Variants in SLC12A8 observed in about 807,000 individuals in gnomAD.
The protein encoded by SLC12A8 is cation-chloride cotransporter 9.
In SLC12A8, 69 loss-of-function variants were observed where a neutral mutation model predicts 75.6. The observed-to-expected ratio is 0.91, with a 90% CI of 0.75 to 1.11. The LOEUF (loss-of-function observed/expected upper bound fraction) is 1.11. Ranked by LOEUF, SLC12A8 falls within the 50% of genes most tolerant of loss-of-function variation. The pLI is 0.00. For missense variants in SLC12A8, 877 were observed against 896.7 expected (o/e 0.98, Z 0.28); for synonymous variants, 365 against 372.8 (o/e 0.98, Z 0.24).
intron 4 of SLC12A8, among the ~76,000 whole-genome samples, chr3:125,180,054 A>T (rs1934623642): frequency 6.6e-6 from 1 of 152,136 alleles, no homozygotes; most frequent in African/African-American, 2.4e-5. Context: ...GCAGTAGAAC[A>T]ATTTGCTCAC....
At chr3:125,092,706 G>T (rs1200125083) in intron 10 of SLC12A8, among the ~76,000 whole-genome samples, 1 of 152,166 alleles carries the variant, frequency 6.6e-6, no homozygotes, top group Admixed American at 6.5e-5. Context: ...TAGCTCCTCT[G>T]ATTCCTTCCT....
intron 13 of SLC12A8, among the ~76,000 whole-genome samples, chr3:125,084,377 T>A (rs1287694575): frequency 1.3e-5 from 2 of 152,022 alleles, no homozygotes; most frequent in African/African-American, 4.8e-5. Context: ...GCTCTGTAGC[T>A]TTTCTTTGCC....
intron 2 of SLC12A8, among the ~76,000 whole-genome samples, chr3:125,197,099 T>A (rs1219588000): frequency 6.6e-6 from 1 of 152,126 alleles, no homozygotes; most frequent in East Asian, 1.9e-4. Flanking sequence ...GTCTGGAATA[T>A]CTTGTACCAG....
intron 2 of SLC12A8, among the ~76,000 whole-genome samples, chr3:125,207,089 C>T (rs1473333943): frequency 6.6e-6 from 1 of 152,202 alleles, no homozygotes; most frequent in Non-Finnish European, 1.5e-5. Context: ...TACAAGAAGA[C>T]GGAGCAGAGT....
Position 125,092,107 on chromosome 3 carries a change from C to A in SLC12A8, c.1797G>T (p.Leu599=). 1 of 1,609,546 alleles carries A rather than the reference C, an allele frequency of 6.2e-7. No homozygotes were observed. Among genetic ancestry groups the A allele is most frequent in the Non-Finnish European group, 8.5e-7 (1 of 1,176,194 alleles). Residue 599 remains leucine (L), a synonymous_variant, in exon 11 of 14, where the codon CTG becomes CTT. Coordinates refer to ENST00000469902, the MANE Select transcript of SLC12A8 (RefSeq NM_024628.6). ...TCAAGATGAAGTTACTCACCCCCAACAGGGAGACCCAGGGGTTGCACATGT... is the reference window on the plus strand; with the variant it reads ...TCAAGATGAAGTTACTCACCCCCAAAAGGGAGACCCAGGGGTTGCACATGT... ...YTHMCNPWVS[L]LGAVGSLLIM... is the part of the protein sequence containing the mutation.
chr3:125,200,450 GA>G (rs1935098184), intron 2 of SLC12A8, among the ~76,000 whole-genome samples: 3 of 151,932 alleles, frequency 2.0e-5, no homozygotes, highest in African/African-American at 7.2e-5. Flanking sequence ...CTGTCTCAAA[GA>G]AAAACAACAA....
At chr3:125,199,668 C>G (rs1007331154) in intron 2 of SLC12A8, among the ~76,000 whole-genome samples, 5 of 151,634 alleles carry the variant, frequency 3.3e-5, no homozygotes, top group Non-Finnish European at 7.4e-5. Context: ...ATCGCTTGAG[C>G]CCAGGAGTTC....
At position 125,126,906 on chromosome 3, in the gene SLC12A8, G is replaced by A. The variant is rs532380388; in HGVS notation, c.737-6220C>T. 6.7e-5 allele frequency among the ~76,000 whole-genome samples: 10 copies of A among 150,306 alleles called. No individual in the cohort carries two copies. The South Asian group carries it at 2.1e-3, about 31-fold the overall frequency. On this transcript the variant is annotated intron_variant, in intron 6 of 13. Coordinates refer to ENST00000469902, the MANE Select transcript of SLC12A8 (RefSeq NM_024628.6). ...ATCTGCTGCCTTTTTTTTTTTAACT[G>A]AAAAAAGGGATCTATTACTGTTTGG... is the stretch of plus-strand genomic sequence containing the variant.
chr3:125,183,198 T>C (rs1258729203), intron 4 of SLC12A8, among the ~76,000 whole-genome samples: 1 of 152,178 alleles, frequency 6.6e-6, no homozygotes, highest in Admixed American at 6.5e-5. Flanking sequence ...CCTTCCAACC[T>C]GAATGCTGCT....
intron 6 of SLC12A8, chr3:125,120,888 T>C: frequency 1.4e-6 from 1 of 700,880 alleles, no homozygotes; most frequent in Non-Finnish European, 2.6e-6. Flanking sequence ...AAGGCACCTT[T>C]GTGGGTTGGA....
chr3:125,151,652 T>C (rs1933927423), intron 5 of SLC12A8: 1 of 152,274 alleles, frequency 6.6e-6, no homozygotes, highest in African/African-American at 2.4e-5. Flanking sequence ...CAGGCACAGA[T>C]TGCAGATCCT....
chr3:125,190,240 G>C (rs1351016071), intron 3 of SLC12A8, 135 bp downstream of exon 3: 2 of 925,794 alleles, frequency 2.2e-6, no homozygotes, highest in African/African-American at 1.7e-5. Context: ...GCTATTCATC[G>C]TGCTTGCTTC....
intron 2 of SLC12A8, among the ~76,000 whole-genome samples, chr3:125,199,204 C>A (rs1935072229): frequency 6.6e-6 from 1 of 152,052 alleles, no homozygotes; most frequent in Admixed American, 6.5e-5. Context: ...ATGATGTCTG[C>A]AAATTGTTTT....
At chr3:125,164,235 G>A (rs1328824273) in intron 5 of SLC12A8, among the ~76,000 whole-genome samples, 3 of 152,162 alleles carry the variant, frequency 2.0e-5, no homozygotes, top group African/African-American at 7.2e-5. Context: ...GGGGCACCAG[G>A]GAATCACGCT....
intron 5 of SLC12A8, among the ~76,000 whole-genome samples, chr3:125,151,948 AT>A (rs952046420): frequency 1.3e-5 from 2 of 152,232 alleles, no homozygotes; most frequent in Non-Finnish European, 2.9e-5. Context: ...GGCAGATATT[AT>A]TATTCTCTAT....
At chr3:125,131,217 A>G (rs552478467) in intron 6 of SLC12A8, among the ~76,000 whole-genome samples, 3 of 152,264 alleles carry the variant, frequency 2.0e-5, no homozygotes, top group East Asian at 1.9e-4. Context: ...TTGCCTGTGC[A>G]CTGTTTTGGC....
intron 2 of SLC12A8, among the ~76,000 whole-genome samples, chr3:125,208,747 TACACACACACACACACACACACAC>T (rs61130966): frequency 1.1e-5 from 1 of 87,378 alleles, no homozygotes; most frequent in African/African-American, 4.2e-5. Flanking sequence ...CTGACCAATC[TACACACACACACACACACACACAC>T]ACACACACAC....
chr3:125,166,841 G>C (rs941455664), intron 5 of SLC12A8, among the ~76,000 whole-genome samples: 1 of 152,214 alleles, frequency 6.6e-6, no homozygotes, highest in Non-Finnish European at 1.5e-5. Context: ...CATGCGGTAT[G>C]ATACAATGTA....
chr3:125,091,494 A>G lies in SLC12A8; in HGVS notation c.1866T>C (p.Gly622=). 3 of 1,614,008 alleles carry G rather than the reference A, an allele frequency of 1.9e-6. No individual in the cohort carries two copies. Among genetic ancestry groups the G allele is most frequent in the Non-Finnish European group, 1.7e-6 (2 of 1,179,916 alleles). ...IQWVYTLVNM[G]VAAIVYFYIG... ...TGTAGAAATACACGATGGCAGCAAC[A>G]CCCATGTTAACCAGGGTATACACCC... is the stretch of plus-strand genomic sequence containing the variant. Residue 622 remains glycine (G), a synonymous_variant, in exon 12 of 14, where the codon GGT becomes GGC. Transcript: ENST00000469902.
Sources: allele counts gnomAD v4.1 joint callset (sites outside exome capture counted in the v4.1 genomes callset), GRCh38; gene constraint gnomAD v4.1.1; transcripts MANE v1.5; gene names NCBI Gene and HGNC (gene_info 2026-07-23, HGNC 2026-07-21).